PIR: variants seen among roughly 807,000 people sequenced by gnomAD.
The protein encoded by PIR is pirin.
PIR carries 22 observed loss-of-function variants against 24.2 expected under a neutral mutation model. The ratio of observed to expected loss-of-function variants is 0.91; its 90% confidence interval spans 0.65 to 1.30. PIR has a LOEUF of 1.30. Ranked by LOEUF, PIR falls within the 50% of genes most tolerant of loss-of-function variation. The pLI is 0.00. For synonymous variants in PIR, 80 were observed against 79.6 expected (o/e 1.00, Z -0.03); for missense variants, 220 against 220.3 (o/e 1.00, Z 0.01).
chrX:15,489,808 A>G (rs1242344075), intron 2 of PIR, among the ~76,000 whole-genome samples: 1 of 111,931 alleles, frequency 8.9e-6, no homozygotes, highest in Non-Finnish European at 1.9e-5. Flanking sequence ...CGCTAGGTGA[A>G]ATAAGCCAGG....
chrX:15,437,888 C>T (rs1359771459), intron 5 of PIR, among the ~76,000 whole-genome samples: 1 of 112,296 alleles, frequency 8.9e-6, no homozygotes, highest in Admixed American at 9.4e-5. Context: ...GAGGGGTGGC[C>T]TTGTGCCACT....
intron 3 of PIR, among the ~76,000 whole-genome samples, chrX:15,470,549 T>G (rs1353881145): frequency 9.0e-6 from 1 of 110,571 alleles, no homozygotes; most frequent in Non-Finnish European, 1.9e-5. Flanking sequence ...TGGCTTATAG[T>G]CTTTATTACA....
chrX:15,409,085 G>A (rs1310492418), intron 6 of PIR, among the ~76,000 whole-genome samples: 2 of 95,564 alleles, frequency 2.1e-5, no homozygotes, highest in Non-Finnish European at 4.1e-5. Flanking sequence ...TAGCTTACTC[G>A]TTTTTCTCCC....
chrX:15,482,836 T>G (rs1467786980), intron 2 of PIR, among the ~76,000 whole-genome samples: 2 of 111,784 alleles, frequency 1.8e-5, no homozygotes, highest in Non-Finnish European at 3.8e-5. Flanking sequence ...ACTTACACCT[T>G]AAATATTTTG....
At chrX:15,430,458 G>A (rs1925471956) in intron 5 of PIR, among the ~76,000 whole-genome samples, 5 of 111,834 alleles carry the variant, frequency 4.5e-5, no homozygotes, top group Admixed American at 3.8e-4. Context: ...CTTCATAAGA[G>A]ATTAAGGGTA....
At chrX:15,390,728 A>G (rs889635073) in intron 8 of PIR, among the ~76,000 whole-genome samples, 2 of 111,811 alleles carry the variant, frequency 1.8e-5, no homozygotes, top group Non-Finnish European at 3.8e-5. Flanking sequence ...CAGAGCATCC[A>G]AGGGACATCT....
At chrX:15,432,596 T>C (rs779845902) in intron 5 of PIR, among the ~76,000 whole-genome samples, 54 of 112,310 alleles carry the variant, frequency 4.8e-4, no homozygotes, top group African/African-American at 1.7e-3. Context: ...CATAAAGTGG[T>C]TGCTGGAGCG....
chrX:15,479,210 T>C (rs766802793), intron 3 of PIR, among the ~76,000 whole-genome samples: 3 of 112,033 alleles, frequency 2.7e-5, no homozygotes, highest in Non-Finnish European at 5.6e-5. Context: ...GGCCCCTTGA[T>C]TCTATAATTC....
chrX:15,413,006 A>G (rs1924795535), intron 6 of PIR, among the ~76,000 whole-genome samples: 1 of 112,348 alleles, frequency 8.9e-6, no homozygotes, highest in Non-Finnish European at 1.9e-5. Context: ...TGTGATGAAC[A>G]CAGTCTAATG....
chrX:15,481,198 G>A (rs931347631), intron 2 of PIR, among the ~76,000 whole-genome samples: 2 of 112,440 alleles, frequency 1.8e-5, no homozygotes, highest in African/African-American at 6.4e-5. Flanking sequence ...CCATATAAAT[G>A]TTATCTGTAT....
intron 7 of PIR, among the ~76,000 whole-genome samples, chrX:15,406,513 CT>C (rs1025568684): frequency 8.9e-6 from 1 of 111,780 alleles, no homozygotes; most frequent in African/African-American, 3.3e-5. Flanking sequence ...AATGTTAATT[CT>C]CCAGTACTTT....
chrX:15,399,171 G>C (rs886796077), intron 7 of PIR, among the ~76,000 whole-genome samples: 5 of 112,196 alleles, frequency 4.5e-5, no homozygotes, highest in Non-Finnish European at 9.4e-5. Context: ...TGTCTTGGGA[G>C]ATACACCTGC....
chrX:15,481,216 A>G (rs760399878), intron 2 of PIR, among the ~76,000 whole-genome samples: 1 of 112,609 alleles, frequency 8.9e-6, no homozygotes, highest in Non-Finnish European at 1.9e-5. Context: ...TATAAATAGA[A>G]CTATTAAGTG....
At chrX:15,420,687 A>G (rs909250851) in intron 6 of PIR, among the ~76,000 whole-genome samples, 3 of 111,445 alleles carry the variant, frequency 2.7e-5, no homozygotes, top group African/African-American at 9.8e-5. Flanking sequence ...CACTGTTAAA[A>G]GGAGCCACCA....
intron 6 of PIR, among the ~76,000 whole-genome samples, chrX:15,419,633 T>C (rs1320507050): frequency 4.5e-5 from 5 of 111,458 alleles, no homozygotes; most frequent in Non-Finnish European, 9.4e-5. Flanking sequence ...TGGTAGTTCA[T>C]GCCTGTAATC....
chrX:15,450,348 A>G (rs958034533), intron 5 of PIR, among the ~76,000 whole-genome samples: 3 of 109,796 alleles, frequency 2.7e-5, no homozygotes, highest in African/African-American at 9.9e-5. Flanking sequence ...TGCCCCTCTC[A>G]CACTCTCTGC....
At chrX:15,387,728 AG>A (rs1395880400) in intron 9 of PIR, among the ~76,000 whole-genome samples, 1 of 111,567 alleles carries the variant, frequency 9.0e-6, no homozygotes, top group Non-Finnish European at 1.9e-5. Context: ...CTTGTGGAGC[AG>A]TACTCCCATC....
intron 3 of PIR, among the ~76,000 whole-genome samples, chrX:15,470,990 T>G (rs1320165773): frequency 9.1e-6 from 1 of 110,338 alleles, no homozygotes; most frequent in East Asian, 2.8e-4. Flanking sequence ...GGTTTTTGTT[T>G]GTAATTGCAA....
intron 5 of PIR, among the ~76,000 whole-genome samples, chrX:15,452,265 A>G (rs1242723594): frequency 8.9e-6 from 1 of 112,147 alleles, no homozygotes; most frequent in Non-Finnish European, 1.9e-5. Context: ...TGGGGTTTGG[A>G]GAATTTCATA....
Sources: allele counts gnomAD v4.1 joint callset (sites outside exome capture counted in the v4.1 genomes callset), GRCh38; gene constraint gnomAD v4.1.1; transcripts MANE v1.5; gene names NCBI Gene and HGNC (gene_info 2026-07-23, HGNC 2026-07-21).